The following CREB5 variants were observed in gnomAD, a reference collection of about 807,000 sequenced individuals.
The protein encoded by CREB5 is cAMP responsive element binding protein 5, also known as cyclic AMP-responsive element-binding protein 5.
In CREB5, 19 loss-of-function variants were observed where a neutral mutation model predicts 57.1. That is an observed-to-expected ratio of 0.33 (90% CI 0.23 to 0.49). The LOEUF is 0.49. CREB5 is among the 20% of genes least tolerant of loss of function. The pLI, the probability that CREB5 is intolerant of heterozygous loss-of-function variation, is 0.99. For missense variants in CREB5, 579 were observed against 671.6 expected (o/e 0.86, Z 1.52); for synonymous variants, 238 against 238.3 (o/e 1.00, Z 0.01).
chr7:28,738,174 T>C (rs1804141139), intron 7 of CREB5, among the ~76,000 whole-genome samples: 1 of 152,228 alleles, frequency 6.6e-6, no homozygotes, highest in Admixed American at 6.5e-5. Context: ...CTTTGAATTA[T>C]CCAAATATTT....
At chr7:28,684,252 A>G (rs75859231) in intron 5 of CREB5, among the ~76,000 whole-genome samples, 2 of 152,228 alleles carry the variant, frequency 1.3e-5, no homozygotes, top group Admixed American at 6.5e-5. Flanking sequence ...ACCAAACTTT[A>G]TAACAACCAC....
chr7:28,800,822 C>T lies in CREB5; in HGVS notation c.703-3377C>T, dbSNP rs116530378. On this transcript the variant is annotated intron_variant, in intron 7 of 10. Transcript: ENST00000357727. ...TGTCAGCTCTTCTAGCCCCTTCTCG[C>T]GCTTTCTGCTTTTCCTTTTGATGAT... 3.5e-3 allele frequency among the ~76,000 whole-genome samples: 539 copies of T among 152,326 alleles called. 4 individuals carry two copies. Among genetic ancestry groups the T allele is most frequent in the African/African-American group, 0.011 (471 of 41,566 alleles).
intron 5 of CREB5, among the ~76,000 whole-genome samples, chr7:28,619,607 G>T (rs1797720510): frequency 6.6e-6 from 1 of 152,174 alleles, no homozygotes; most frequent in Non-Finnish European, 1.5e-5. Context: ...GAGACTGGAG[G>T]ATCACTTGAG....
rs556166569 is a variant in CREB5, at chr7:28,729,632, C to T, written c.702+5300C>T. Among the ~76,000 whole-genome samples the T allele has an allele frequency of 2.1e-4, 32 of 152,344 alleles. No homozygotes were observed. In the South Asian group the frequency reaches 6.2e-3, roughly 30 times the overall value. ...ACATGAAAAGACAGTCTCCAGGTAACATCTCTCTGGCACTCCTGAAAAATG... is the reference window on the plus strand; with the variant it reads ...ACATGAAAAGACAGTCTCCAGGTAATATCTCTCTGGCACTCCTGAAAAATG... On this transcript the variant is annotated intron_variant, in intron 7 of 10. Transcript: ENST00000357727.
At chr7:28,533,926 CAG>C (rs1381170109) in intron 4 of CREB5, among the ~76,000 whole-genome samples, 3 of 152,286 alleles carry the variant, frequency 2.0e-5, no homozygotes, top group Non-Finnish European at 4.4e-5. Context: ...GTCAGAATGA[CAG>C]GGCATATGCA....
At chr7:28,451,260 G>A (rs1460268332) in intron 1 of CREB5, among the ~76,000 whole-genome samples, 1 of 152,170 alleles carries the variant, frequency 6.6e-6, no homozygotes, top group Non-Finnish European at 1.5e-5. Flanking sequence ...TGACTGGAAA[G>A]TAACTATTCT....
chr7:28,805,926 A>G (rs1311994188), intron 8 of CREB5, among the ~76,000 whole-genome samples: 2 of 152,142 alleles, frequency 1.3e-5, no homozygotes, highest in Non-Finnish European at 2.9e-5. Flanking sequence ...AGTTTAGCAA[A>G]TTGTATAGCA....
intron 5 of CREB5, among the ~76,000 whole-genome samples, chr7:28,680,160 C>A (rs60171273): frequency 1.3e-5 from 2 of 151,990 alleles, no homozygotes; most frequent in African/African-American, 4.8e-5. Flanking sequence ...ATTTTGCACC[C>A]TAGGCACCTC....
At chr7:28,642,117 CTTTGT>C (rs1349808479) in intron 5 of CREB5, among the ~76,000 whole-genome samples, 1 of 152,168 alleles carries the variant, frequency 6.6e-6, no homozygotes, top group African/African-American at 2.4e-5. Context: ...TCTTTGTTGC[CTTTGT>C]TTTAAGTTCA....
chr7:28,698,328 C>T (rs147984277), intron 5 of CREB5, among the ~76,000 whole-genome samples: 160 of 145,218 alleles, frequency 1.1e-3, no homozygotes, highest in African/African-American at 3.7e-3. Flanking sequence ...GTCTCTCTTC[C>T]TCATCCCCCA....
At chr7:28,761,775 T>C (rs1231164686) in intron 7 of CREB5, among the ~76,000 whole-genome samples, 2 of 151,962 alleles carry the variant, frequency 1.3e-5, no homozygotes, top group Non-Finnish European at 1.5e-5. Context: ...TGGAAATATT[T>C]GTGTGTGGAG....
At chr7:28,811,039 C>T (rs1809086748) in intron 9 of CREB5, among the ~76,000 whole-genome samples, 1 of 152,196 alleles carries the variant, frequency 6.6e-6, no homozygotes, top group South Asian at 2.1e-4. Flanking sequence ...CCCCCACTAA[C>T]TTGTATGCCG....
At chr7:28,313,300 A>G (rs982880282) in intron 1 of CREB5, among the ~76,000 whole-genome samples, 1 of 152,182 alleles carries the variant, frequency 6.6e-6, no homozygotes, top group East Asian at 1.9e-4. Context: ...GAACACACTT[A>G]ATCTGATGGA....
At chr7:28,341,936 T>C (rs1439876984) in intron 1 of CREB5, among the ~76,000 whole-genome samples, 1 of 152,178 alleles carries the variant, frequency 6.6e-6, no homozygotes, top group African/African-American at 2.4e-5. Context: ...TTGATATTGA[T>C]GGACAGTTAT....
At chr7:28,775,043 A>G (rs951434814) in intron 7 of CREB5, among the ~76,000 whole-genome samples, 3 of 152,240 alleles carry the variant, frequency 2.0e-5, no homozygotes, top group African/African-American at 7.2e-5. Context: ...TGTTTTTAAC[A>G]TATCAGGCTT....
At chr7:28,691,279 G>A (rs529940005) in intron 5 of CREB5, among the ~76,000 whole-genome samples, 2 of 152,094 alleles carry the variant, frequency 1.3e-5, no homozygotes, top group Admixed American at 6.6e-5. Flanking sequence ...ACTTAGCCGG[G>A]TGTGGTGGCG....
chr7:28,322,682 T>G (rs1785514445), intron 1 of CREB5, among the ~76,000 whole-genome samples: 1 of 151,732 alleles, frequency 6.6e-6, no homozygotes, highest in South Asian at 2.1e-4. Context: ...TACTTGTAAG[T>G]GAGAACATGC....
At chr7:28,347,631 G>A (rs137902344) in intron 1 of CREB5, among the ~76,000 whole-genome samples, 11 of 151,946 alleles carry the variant, frequency 7.2e-5, no homozygotes, top group Non-Finnish European at 1.3e-4. Context: ...ACCCTGCCCC[G>A]CTCCCCACCC....
At chr7:28,409,588 G>A (rs1787680577), upstream of CREB5, 1 of 218,804 alleles carries the variant, frequency 4.6e-6, no homozygotes, top group Non-Finnish European at 9.2e-6. The surrounding 1 kb of genome is among the most constrained non-coding windows in gnomAD (Gnocchi z 4.4). Context: ...CACAGGGCAA[G>A]GAGTAGGGAA....
Sources: allele counts gnomAD v4.1 joint callset (sites outside exome capture counted in the v4.1 genomes callset), GRCh38; gene constraint gnomAD v4.1.1; non-coding constraint Gnocchi (gnomAD v3.1); transcripts MANE v1.5; gene names NCBI Gene and HGNC (gene_info 2026-07-23, HGNC 2026-07-21).